Variants in SLCO6A1 observed in about 807,000 individuals in gnomAD.
The protein encoded by SLCO6A1 is cancer/testis antigen 48.
A neutral mutation model predicts 72.7 loss-of-function variants in SLCO6A1; 65 were observed. The observed-to-expected ratio is 0.89, with a 90% CI of 0.73 to 1.10. The LOEUF is 1.10. SLCO6A1 is among the 50% of genes least tolerant of loss of function. The pLI is 0.00. For missense variants in SLCO6A1, 874 were observed against 872.6 expected, an observed-to-expected ratio of 1.00 and a Z score of -0.02; for synonymous variants, 314 against 298.2, an observed-to-expected ratio of 1.05 and a Z score of -0.55.
chr5:102,380,977 G>T (rs560704758), intron 12 of SLCO6A1, among the ~76,000 whole-genome samples: 3 of 151,364 alleles, frequency 2.0e-5, no homozygotes, highest in Admixed American at 6.6e-5. Flanking sequence ...AAATAAAAAG[G>T]GTATATATTT....
intron 5 of SLCO6A1, 64 bp from the exon 6 acceptor site, chr5:102,458,555 C>A (rs941912284): frequency 3.9e-6 from 4 of 1,038,918 alleles, no homozygotes; most frequent in Admixed American, 4.4e-5. Context: ...TACATAAAAC[C>A]TACATACACA....
At chr5:102,496,479 T>C (rs900947572) in intron 1 of SLCO6A1, among the ~76,000 whole-genome samples, 4 of 152,176 alleles carry the variant, frequency 2.6e-5, no homozygotes, top group African/African-American at 9.7e-5. Context: ...CTAAAAACCA[T>C]ATACTGTCCA....
chr5:102,385,698 ATTATTTTTG>A (rs771083130), intron 12 of SLCO6A1, among the ~76,000 whole-genome samples: 1 of 150,122 alleles, frequency 6.7e-6, no homozygotes, highest in Non-Finnish European at 1.5e-5. Flanking sequence ...TTGTTTGTGT[ATTATTTTTG>A]TTATTTTTCT....
intron 6 of SLCO6A1, among the ~76,000 whole-genome samples, chr5:102,446,789 C>G (rs983125811): frequency 6.6e-6 from 1 of 151,776 alleles, no homozygotes; most frequent in Non-Finnish European, 1.5e-5. Context: ...GAGACTCACT[C>G]TGTCGCCCAG....
chr5:102,454,986 C>T lies in SLCO6A1; in HGVS notation c.1131+3396G>A, dbSNP rs1222487547. 3.2e-5 allele frequency among the ~76,000 whole-genome samples: 4 copies of T among 123,364 alleles called. No homozygotes were observed. The South Asian group carries it at 9.7e-4, about 30-fold the overall frequency. The allele number at this position is 123,364 out of a possible 152,430, so 80.9% of individuals were successfully genotyped here. On this transcript the variant is annotated intron_variant, in intron 6 of 13. Transcript: ENST00000506729. ...ATACACATTTGTTTTAGGATTAAAC[C>T]AGTATAACAAAATATATATAAATAT... is the stretch of plus-strand genomic sequence containing the variant.
Position 102,427,842 on chromosome 5 carries a change from A to ATG in SLCO6A1, c.1277-7822_1277-7821insCA, listed in dbSNP as rs1561452786. ...ACCCCCTCTCTCTGTGTGTGTATGT[A>ATG]TACATATATATATATATATATATTT... On this transcript the variant is annotated intron_variant, in intron 7 of 13. Coordinates refer to ENST00000506729, the MANE Select transcript of SLCO6A1 (RefSeq NM_173488.5). Among the ~76,000 whole-genome samples, 8 of 86,420 alleles carry ATG rather than the reference A, an allele frequency of 9.3e-5. No individual in the cohort carries two copies. The South Asian group carries it at 3.1e-3, about 33-fold the overall frequency. 56.7% of individuals were successfully genotyped at this position (86,420 alleles called of 152,430 possible).
chr5:102,453,846 G>T (rs1750562352), intron 6 of SLCO6A1, among the ~76,000 whole-genome samples: 1 of 152,014 alleles, frequency 6.6e-6, no homozygotes, highest in Non-Finnish European at 1.5e-5. Context: ...TTGCTGAGGG[G>T]ATCTGTACAT....
intron 4 of SLCO6A1, among the ~76,000 whole-genome samples, chr5:102,464,840 T>C (rs1425139704): frequency 1.3e-5 from 2 of 152,154 alleles, no homozygotes; most frequent in Non-Finnish European, 2.9e-5. Flanking sequence ...CTAAGCTAGA[T>C]GGTAAAGGAG....
chr5:102,444,397 C>T (rs11953247), intron 6 of SLCO6A1, among the ~76,000 whole-genome samples: 8,889 of 152,110 alleles, frequency 0.058, 863 homozygotes, highest in African/African-American at 0.2. Flanking sequence ...AAGACCTTTC[C>T]CTAGAGACAA....
In SLCO6A1 at chr5:102,373,506, A is replaced by G; in HGVS notation, c.2018-12T>C. 1 of 1,447,784 alleles carries G rather than the reference A, an allele frequency of 6.9e-7. No individual in the cohort carries two copies. Among genetic ancestry groups the G allele is most frequent in the Non-Finnish European group, 9.1e-7 (1 of 1,098,032 alleles). 89.7% of individuals were successfully genotyped at this position (1,447,784 alleles called of 1,614,324 possible). ...TTTGCAAAGAAAACCTAAATTTAAA[A>G]AATGCAATGATCAGATATGTCCATG... On this transcript the variant is annotated splice_polypyrimidine_tract_variant and intron_variant, in intron 12 of 13. Transcript: ENST00000506729.
intron 11 of SLCO6A1, among the ~76,000 whole-genome samples, chr5:102,389,351 C>T (rs1348808747): frequency 6.6e-6 from 1 of 151,898 alleles, no homozygotes; most frequent in East Asian, 1.9e-4. Context: ...ACCAGCTGTG[C>T]TGCCTGAGGG....
intron 6 of SLCO6A1, among the ~76,000 whole-genome samples, 155 bp downstream of exon 6, chr5:102,458,227 T>C (rs1229162829): frequency 1.3e-5 from 2 of 152,048 alleles, no homozygotes; most frequent in African/African-American, 2.4e-5. Context: ...GTTGTGCACA[T>C]GTACCCTAAA....
chr5:102,480,452 AAAGAG>A lies in SLCO6A1; in HGVS notation c.359-23_359-19del. On this transcript the variant is annotated intron_variant, in intron 1 of 13. Coordinates refer to ENST00000506729, the MANE Select transcript of SLCO6A1 (RefSeq NM_173488.5). ...CACCACACCTAAAATGTAAAAAGAAAAAGAGAAAACAACGATATGCATTTTAAGAG... is the reference window on the plus strand; with the variant it reads ...CACCACACCTAAAATGTAAAAAGAAAAAAACAACGATATGCATTTTAAGAG... The A allele has an allele frequency of 1.3e-6, 2 of 1,588,778 alleles. No individual in the cohort carries two copies. Among genetic ancestry groups the A allele is most frequent in the South Asian group, 2.3e-5 (2 of 86,056 alleles).
chr5:102,451,698 T>C (rs1444448094), intron 6 of SLCO6A1, among the ~76,000 whole-genome samples: 1 of 152,192 alleles, frequency 6.6e-6, no homozygotes, highest in Non-Finnish European at 1.5e-5. Context: ...TCTATACCAA[T>C]CCCAGGTGGG....
intron 6 of SLCO6A1, among the ~76,000 whole-genome samples, chr5:102,451,564 CCT>C (rs1491381829): frequency 6.6e-6 from 1 of 152,052 alleles, no homozygotes; most frequent in Non-Finnish European, 1.5e-5. Context: ...TTCTGGAGGC[CCT>C]GGATGGAGTG....
Position 102,438,629 on chromosome 5 carries a change from T to C in SLCO6A1, c.1264A>G (p.Thr422Ala), listed in dbSNP as rs890073003. The change falls in exon 7 of 14, where the codon ACT becomes GCT. Residue 422 changes from threonine to alanine, a missense_variant. Thr to Ala is a moderately conservative substitution (Grantham distance 58, BLOSUM62 0). Coordinates refer to ENST00000506729, the MANE Select transcript of SLCO6A1 (RefSeq NM_173488.5). ...NQFILTPTVA[T>A]TLAGLVLIPG... ...AAGGTAAATCTACCTGCAAGTGTAG[T>C]TGCCACAGTGGGTGTTAATATAAAC... is the stretch of plus-strand genomic sequence containing the variant. 2.5e-6 allele frequency: 4 copies of C among 1,591,430 alleles called. No homozygotes were observed. Among genetic ancestry groups the C allele is most frequent in the Non-Finnish European group, 3.4e-6 (4 of 1,172,932 alleles).
chr5:102,488,008 A>C (rs1418497821), intron 1 of SLCO6A1, among the ~76,000 whole-genome samples: 2 of 152,200 alleles, frequency 1.3e-5, no homozygotes, highest in Non-Finnish European at 2.9e-5. Context: ...AATACTTAGC[A>C]AAAAGGGAGA....
At chr5:102,395,947 T>C (rs1747051844) in intron 10 of SLCO6A1, among the ~76,000 whole-genome samples, 1 of 152,178 alleles carries the variant, frequency 6.6e-6, no homozygotes, top group Non-Finnish European at 1.5e-5. Context: ...ATTAGCCCTT[T>C]GTCAGATGAG....
chr5:102,481,873 T>C (rs1752211880), intron 1 of SLCO6A1, among the ~76,000 whole-genome samples: 1 of 152,126 alleles, frequency 6.6e-6, no homozygotes, highest in Non-Finnish European at 1.5e-5. Context: ...ATTGCAAAGG[T>C]AACCATCAAT....
Sources: gnomAD v4.1 joint callset for allele counts (sites outside exome capture counted in the v4.1 genomes callset) on GRCh38, gnomAD v4.1.1 for gene constraint, MANE v1.5 for transcripts, NCBI Gene and HGNC (gene_info 2026-07-23, HGNC 2026-07-21) for gene names.